Variants in IQCM observed in about 807,000 individuals in gnomAD.
The protein encoded by IQCM is IQ motif containing M, also known as IQ domain-containing protein M.
Under a neutral mutation model 57.6 loss-of-function variants are expected in IQCM, and 45 were observed. The ratio of observed to expected loss-of-function variants is 0.78; its 90% CI spans 0.62 to 1.00. IQCM has a LOEUF of 1.00. IQCM is among the 50% of genes least tolerant of loss of function. The pLI is 0.00. For synonymous variants in IQCM, 148 were observed against 158.9 expected, an observed-to-expected ratio of 0.93 and a Z score of 0.51; for missense variants, 468 against 511.6, an observed-to-expected ratio of 0.91 and a Z score of 0.82.
At chr4:149,685,784 T>C (rs1042250452) in intron 6 of IQCM, among the ~76,000 whole-genome samples, 9 of 151,534 alleles carry the variant, frequency 5.9e-5, no homozygotes, top group Non-Finnish European at 1.2e-4. Context: ...GCTTAGAGGT[T>C]CTATCTATAG....
At chr4:149,453,191 T>A (rs944255332) in intron 12 of IQCM, among the ~76,000 whole-genome samples, 1 of 151,614 alleles carries the variant, frequency 6.6e-6, no homozygotes, top group African/African-American at 2.4e-5. Context: ...TACACAAAAA[T>A]TAATTATTAA....
intron 8 of IQCM, among the ~76,000 whole-genome samples, chr4:149,592,168 C>T (rs1432768781): frequency 1.3e-5 from 2 of 152,130 alleles, no homozygotes; most frequent in African/African-American, 2.4e-5. Context: ...CAGATGGTAT[C>T]TCATTGTGGT....
chr4:149,544,702 G>A (rs1052308402), intron 12 of IQCM, among the ~76,000 whole-genome samples: 1 of 152,044 alleles, frequency 6.6e-6, no homozygotes, highest in South Asian at 2.1e-4. Flanking sequence ...CGGACAAATA[G>A]ACCAATGGAA....
chr4:149,784,554 T>C (rs973527672), intron 2 of IQCM, among the ~76,000 whole-genome samples: 24 of 152,162 alleles, frequency 1.6e-4, no homozygotes, highest in Non-Finnish European at 2.8e-4. Context: ...TAGCTGGGAC[T>C]ACAGGTGCCC....
intron 12 of IQCM, among the ~76,000 whole-genome samples, chr4:149,506,797 C>T (rs1743863041): frequency 6.6e-6 from 1 of 152,078 alleles, no homozygotes; most frequent in Middle Eastern, 3.2e-3. Flanking sequence ...TCAGCCATTG[C>T]CTGGTTACCT....
intron 7 of IQCM, among the ~76,000 whole-genome samples, chr4:149,646,466 C>T (rs1184144992): frequency 6.6e-6 from 1 of 151,730 alleles, no homozygotes; most frequent in Non-Finnish European, 1.5e-5. Context: ...TCTCTCTTTT[C>T]TGTTAGTCTA....
intron 13 of IQCM, among the ~76,000 whole-genome samples, chr4:149,400,806 A>G (rs911171051): frequency 6.6e-6 from 1 of 151,964 alleles, no homozygotes; most frequent in African/African-American, 2.4e-5. Flanking sequence ...GGAAAGAAGC[A>G]CTCAATAATT....
At chr4:149,802,208 T>G (rs2150050797) in intron 2 of IQCM, among the ~76,000 whole-genome samples, 1 of 151,728 alleles carries the variant, frequency 6.6e-6, no homozygotes, top group African/African-American at 2.4e-5. Context: ...CTTTTAAAAA[T>G]GTTCTGCAGT....
At chr4:149,383,157 C>A (rs1287103789) in intron 13 of IQCM, among the ~76,000 whole-genome samples, 1 of 152,096 alleles carries the variant, frequency 6.6e-6, no homozygotes, top group Non-Finnish European at 1.5e-5. Flanking sequence ...TGTCTTCATA[C>A]TCTAAGATTT....
At chr4:149,450,189 G>A (rs538551852) in intron 12 of IQCM, among the ~76,000 whole-genome samples, 2 of 151,814 alleles carry the variant, frequency 1.3e-5, no homozygotes, top group South Asian at 4.1e-4. Context: ...CCCATGTCTT[G>A]CTCTATACAA....
At chr4:149,505,464 T>C (rs1200673231) in intron 12 of IQCM, among the ~76,000 whole-genome samples, 2 of 152,204 alleles carry the variant, frequency 1.3e-5, no homozygotes, top group African/African-American at 4.8e-5. Context: ...TCATCTTCTT[T>C]AAGATTCCCA....
In IQCM at chr4:149,479,995, AAG is replaced by A. The variant is rs1491496276; in HGVS notation, c.1229-46440_1229-46439del. Among the ~76,000 whole-genome samples the A allele has an allele frequency of 5.9e-5, 9 of 152,320 alleles. 1 individual carries two copies. The East Asian group carries it at 1.7e-3, about 29-fold the overall frequency. On this transcript the variant is annotated intron_variant, in intron 12 of 13. Coordinates refer to ENST00000636793, the MANE Select transcript of IQCM (RefSeq NM_001363507.2). ...ACATGTAGACAATATATGAAGTACA[AAG>A]AGCAACTCATTTGCAATGAAAAGCC...
chr4:149,435,200 A>T (rs1051906772), intron 12 of IQCM, among the ~76,000 whole-genome samples: 2 of 152,162 alleles, frequency 1.3e-5, no homozygotes, highest in Admixed American at 6.6e-5. Flanking sequence ...TTTCCTGCTT[A>T]AATTACTATG....
At chr4:149,462,879 T>C (rs984853191) in intron 12 of IQCM, among the ~76,000 whole-genome samples, 1 of 152,154 alleles carries the variant, frequency 6.6e-6, no homozygotes, top group Non-Finnish European at 1.5e-5. Context: ...CATACAAATC[T>C]GAGCTGCAGA....
At chr4:149,715,575 G>A (rs901524925) in intron 5 of IQCM, among the ~76,000 whole-genome samples, 10 of 152,106 alleles carry the variant, frequency 6.6e-5, no homozygotes, top group East Asian at 1.9e-4. Context: ...CCTGCAACAC[G>A]GTGAGCAAGG....
chr4:149,805,663 G>A (rs1440974534), intron 2 of IQCM, among the ~76,000 whole-genome samples: 1 of 152,018 alleles, frequency 6.6e-6, no homozygotes, highest in African/African-American at 2.4e-5. Context: ...AGTAATAGCT[G>A]TTGAAATGTT....
chr4:149,757,085 C>T (rs1223663534), intron 2 of IQCM, among the ~76,000 whole-genome samples: 1 of 151,910 alleles, frequency 6.6e-6, no homozygotes, highest in African/African-American at 2.4e-5. Context: ...AGTGAAACCC[C>T]ATCTCTACTA....
intron 5 of IQCM, among the ~76,000 whole-genome samples, chr4:149,710,099 C>T (rs1446722876): frequency 6.6e-6 from 1 of 152,108 alleles, no homozygotes; most frequent in Non-Finnish European, 1.5e-5. Context: ...AAAAGTTATA[C>T]ACTCATTTGA....
rs748773529 is a variant in IQCM at position 149,739,987 on chromosome 4, T to C, written c.37+2668A>G. 7.8e-4 allele frequency among the ~76,000 whole-genome samples: 118 copies of C among 152,170 alleles called. 1 individual carries two copies. Among genetic ancestry groups the C allele is most frequent in the Non-Finnish European group, 2.5e-4 (17 of 68,022 alleles). On this transcript the variant is annotated intron_variant, in intron 3 of 13. Coordinates refer to ENST00000636793, the MANE Select transcript of IQCM (RefSeq NM_001363507.2). ...AAAAAGAAAATCTAGTTATGGAAAC[T>C]ATGACAGAGAATAAGCCATCTCTTA...
Sources: gnomAD v4.1 joint callset for allele counts (sites outside exome capture counted in the v4.1 genomes callset) on GRCh38, gnomAD v4.1.1 for gene constraint, MANE v1.5 for transcripts, NCBI Gene and HGNC (gene_info 2026-07-23, HGNC 2026-07-21) for gene names.